Variants in TBC1D1 observed in about 807,000 individuals in gnomAD.
The protein encoded by TBC1D1 is TBC1 (tre-2/USP6, BUB2, cdc16) domain family, member 1.
A neutral mutation model predicts 125.6 loss-of-function variants in TBC1D1; 89 were observed. The ratio of observed to expected loss-of-function variants is 0.71; its 90% confidence interval spans 0.60 to 0.85. The LOEUF (loss-of-function observed/expected upper bound fraction) is 0.85, where lower values mean the gene tolerates loss of function less well. TBC1D1 is among the 40% of genes least tolerant of loss of function. The pLI is 0.00. For synonymous variants in TBC1D1, 565 were observed against 564.1 expected (o/e 1.00, Z -0.02); for missense variants, 1,377 against 1,469.2 (o/e 0.94, Z 1.03).
At chr4:38,039,121 T>C (rs1158858969) in intron 8 of TBC1D1, among the ~76,000 whole-genome samples, 2 of 85,484 alleles carry the variant, frequency 2.3e-5, no homozygotes, top group African/African-American at 1.1e-4. Context: ...TTTTTTTTTT[T>C]TTTTTTTTTT....
rs1321441151 is a variant in TBC1D1 at position 37,995,836 on chromosome 4, G to A, written c.418-18673G>A. The A allele has an allele frequency of 5.3e-6, 3 of 567,092 alleles. No individual in the cohort carries two copies. Among genetic ancestry groups the A allele is most frequent in the Non-Finnish European group, 1.0e-5 (3 of 286,270 alleles). 35.1% of individuals were successfully genotyped at this position (567,092 alleles called of 1,614,324 possible). ...TCCTCAGTCTTGGGGATCAGGTGCT[G>A]GATCCATGTGATCACCAGAATGCAT... On this transcript the variant is annotated intron_variant, in intron 2 of 19. Transcript: ENST00000261439. This position sits in a 1 kb window ranked among gnomAD's most constrained non-coding sequence, Gnocchi z 4.3.
chr4:37,972,221 G>C (rs968221806), intron 2 of TBC1D1, among the ~76,000 whole-genome samples: 1 of 96,582 alleles, frequency 1.0e-5, no homozygotes, highest in Non-Finnish European at 2.2e-5. Flanking sequence ...GGTGGTTCAT[G>C]CCTGTCATCT....
chr4:37,925,327 C>T lies in TBC1D1; in HGVS notation c.417+22815C>T, dbSNP rs55955209. ...TTGCCAAGCCAGTGACCAATTTTAC[C>T]AGCCTCTTTCATTTCCTAACCTGAA... On this transcript the variant is annotated intron_variant, in intron 2 of 19. Coordinates refer to ENST00000261439, the MANE Select transcript of TBC1D1 (RefSeq NM_015173.4). Among the ~76,000 whole-genome samples the T allele has an allele frequency of 9.1e-3, 1,386 of 152,304 alleles. 16 individuals carry two copies. The highest frequency in any genetic ancestry group is 0.031 in the African/African-American group (1,300 of 41,552).
At chr4:37,897,912 G>A (rs1577732414) in intron 1 of TBC1D1, among the ~76,000 whole-genome samples, 3 of 152,136 alleles carry the variant, frequency 2.0e-5, no homozygotes, top group African/African-American at 2.4e-5. Context: ...CTTCAAGTCC[G>A]TTTTCATTAT....
At chr4:38,027,569 G>A (rs892122960) in intron 6 of TBC1D1, among the ~76,000 whole-genome samples, 6 of 152,088 alleles carry the variant, frequency 3.9e-5, no homozygotes, top group African/African-American at 1.2e-4. Context: ...GTTGAGGCTC[G>A]CATAATCAGT....
intron 12 of TBC1D1, among the ~76,000 whole-genome samples, chr4:38,072,936 A>G (rs1397884692): frequency 2.0e-5 from 3 of 152,176 alleles, no homozygotes; most frequent in Non-Finnish European, 2.9e-5. Flanking sequence ...GTTGTAGCAT[A>G]TGACAGGATT....
intron 4 of TBC1D1, 28 bp downstream of exon 4, chr4:38,018,471 A>G (rs747264106): frequency 7.4e-7 from 1 of 1,355,884 alleles, no homozygotes. Context: ...TTTTTATTCA[A>G]TTGCAATGGA....
chr4:38,024,141 A>G (rs1203641710), intron 6 of TBC1D1, among the ~76,000 whole-genome samples: 2 of 152,264 alleles, frequency 1.3e-5, no homozygotes, highest in African/African-American at 4.8e-5. Flanking sequence ...ATGAAGAAAC[A>G]TGATTAATAT....
intron 11 of TBC1D1, 128 bp downstream of exon 12, chr4:38,052,188 TGTGTGTGCGCGCGC>T: frequency 3.3e-6 from 2 of 603,398 alleles, no homozygotes; most frequent in African/African-American, 2.2e-5. Flanking sequence ...TGTGTGTGTG[TGTGTGTGCGCGCGC>T]GTGTGTGTCT....
Position 37,995,979 on chromosome 4 carries a change from A to C in TBC1D1, c.418-18530A>C, listed in dbSNP as rs1485286595. ...TTTCTTCTCTTGCCTCTCTGTTTCT[A>C]CCTCATCCTTGGGTGGGGGTTCTGG... On this transcript the variant is annotated intron_variant, in intron 2 of 19. Transcript: ENST00000261439. This position sits in a 1 kb window ranked among gnomAD's most constrained non-coding sequence, Gnocchi z 4.3. 1 of 544,724 alleles carries C rather than the reference A, an allele frequency of 1.8e-6. No individual in the cohort carries two copies. The highest frequency in any genetic ancestry group is 1.9e-5 in the African/African-American group (1 of 52,618). The allele number at this position is 544,724 out of a possible 1,614,324, so 33.7% of individuals were successfully genotyped here. A position where few individuals can be genotyped will look rare whatever the true frequency, so the allele number is the denominator to read the frequency against.
At chr4:38,070,752 T>C (rs1263414322) in intron 12 of TBC1D1, among the ~76,000 whole-genome samples, 3 of 152,242 alleles carry the variant, frequency 2.0e-5, no homozygotes, top group Non-Finnish European at 4.4e-5. Flanking sequence ...GATGTGGTGA[T>C]AGGTGATATT....
chr4:37,913,857 T>G (rs1719155712), intron 2 of TBC1D1, among the ~76,000 whole-genome samples: 1 of 152,014 alleles, frequency 6.6e-6, no homozygotes, highest in South Asian at 2.1e-4. Context: ...GCTCTTATAA[T>G]GTCACGAGCC....
chr4:37,929,812 G>A (rs1032728465), intron 2 of TBC1D1, among the ~76,000 whole-genome samples: 1 of 152,100 alleles, frequency 6.6e-6, no homozygotes, highest in African/African-American at 2.4e-5. Flanking sequence ...CCAACTAAAC[G>A]ATATTAACTA....
chr4:38,081,723 C>A (rs1333239807), intron 12 of TBC1D1, among the ~76,000 whole-genome samples: 2 of 152,264 alleles, frequency 1.3e-5, no homozygotes, highest in African/African-American at 4.8e-5. Context: ...ATCCCCACAA[C>A]AAAGCTGTGG....
intron 2 of TBC1D1, among the ~76,000 whole-genome samples, chr4:37,917,382 C>G (rs186577022): frequency 3.3e-5 from 5 of 151,948 alleles, no homozygotes; most frequent in African/African-American, 4.8e-5. Context: ...GGCTGAGGCA[C>G]GAGAATTGCT....
At position 38,021,600 on chromosome 4, in the gene TBC1D1, G is replaced by T; in HGVS notation, c.1092G>T (p.Met364Ile). 2 of 1,557,810 alleles carry T rather than the reference G, an allele frequency of 1.3e-6. No homozygotes were observed. Among genetic ancestry groups the T allele is most frequent in the South Asian group, 1.2e-5 (1 of 84,182 alleles). ...TCTTTGATTAGGTTGATGAAATTAT[G>T]ATGACCCTGAAACAGGCCTTCACGG... The change falls in exon 6 of 20, where the codon ATG becomes ATT. Residue 364 changes from methionine to isoleucine, a missense_variant. Met to Ile is a conservative substitution (Grantham distance 10). This residue lies in a region of TBC1D1 where 822 missense variants were observed against 824.6 expected (regional missense o/e 1.00). Transcript: ENST00000261439.
At chr4:37,965,653 C>T (rs1730920863) in intron 2 of TBC1D1, among the ~76,000 whole-genome samples, 1 of 152,144 alleles carries the variant, frequency 6.6e-6, no homozygotes, top group Non-Finnish European at 1.5e-5. Flanking sequence ...GATATTATGA[C>T]CTAGAGATCG....
In TBC1D1 at chr4:38,095,530, C is replaced by T. The variant is rs573475052; in HGVS notation, c.2237-399C>T. Among the ~76,000 whole-genome samples, 3 of 152,228 alleles carry T rather than the reference C, an allele frequency of 2.0e-5. No homozygotes were observed. The East Asian group carries it at 5.8e-4, about 29-fold the overall frequency. On this transcript the variant is annotated intron_variant, in intron 13 of 19. Coordinates refer to ENST00000261439, the MANE Select transcript of TBC1D1 (RefSeq NM_015173.4). ...AAATAAGAAAACGATCTTTGGAGTGCCTCTCCTAGTTTAGATGAAAAAAAT... is the reference window on the plus strand; with the variant it reads ...AAATAAGAAAACGATCTTTGGAGTGTCTCTCCTAGTTTAGATGAAAAAAAT...
chr4:37,954,234 A>G (rs1728464083), intron 2 of TBC1D1, among the ~76,000 whole-genome samples: 2 of 152,190 alleles, frequency 1.3e-5, no homozygotes, highest in Admixed American at 1.3e-4. Flanking sequence ...GGAGGGGCAG[A>G]CGTCTTCTAA....
Sources: gnomAD v4.1 joint callset for allele counts (sites outside exome capture counted in the v4.1 genomes callset) on GRCh38, gnomAD v4.1.1 for gene constraint, gnomAD v4.1.1 regional missense constraint, Gnocchi (gnomAD v3.1) non-coding constraint, MANE v1.5 for transcripts, NCBI Gene and HGNC (gene_info 2026-07-23, HGNC 2026-07-21) for gene names.